Variants in SUGCT observed in about 807,000 individuals in gnomAD.
SUGCT encodes the protein succinyl-CoA:glutarate CoA-transferase.
Under a neutral mutation model 55.0 loss-of-function variants are expected in SUGCT, and 41 were observed. The ratio of observed to expected loss-of-function variants is 0.74; its 90% CI spans 0.58 to 0.97. The LOEUF is 0.97. Among genes scored for constraint, SUGCT ranks in the 50% least tolerant of loss-of-function variants. The pLI is 0.00. For synonymous variants in SUGCT, 187 were observed against 200.4 expected (o/e 0.93, Z 0.56); for missense variants, 568 against 547.8 (o/e 1.04, Z -0.37).
the SUGCT span, among the ~76,000 whole-genome samples, chr7:40,990,341 G>A: frequency 1.3e-5 from 2 of 152,214 alleles, no homozygotes; most frequent in African/African-American, 4.8e-5. Context: ...CCTAATAAAA[G>A]GAATCTTTTT....
chr7:40,483,211 G>A (rs1383146210), intron 11 of SUGCT, among the ~76,000 whole-genome samples: 2 of 152,122 alleles, frequency 1.3e-5, no homozygotes, highest in Admixed American at 6.6e-5. Flanking sequence ...ATCTTACAGA[G>A]CCTTGTTGGT....
chr7:40,493,521 A>G (rs1375986411), intron 11 of SUGCT, among the ~76,000 whole-genome samples: 1 of 152,242 alleles, frequency 6.6e-6, no homozygotes, highest in South Asian at 2.1e-4. Flanking sequence ...TGCTTCACCT[A>G]TCTAAATGAT....
At chr7:40,804,187 T>C (rs1790969787) in intron 13 of SUGCT, among the ~76,000 whole-genome samples, 1 of 152,228 alleles carries the variant, frequency 6.6e-6, no homozygotes, top group Non-Finnish European at 1.5e-5. Flanking sequence ...GGCAACTTTG[T>C]ACATCTTGTG....
intron 3 of SUGCT, among the ~76,000 whole-genome samples, chr7:40,185,243 A>G (rs1406794255): frequency 6.6e-6 from 1 of 152,226 alleles, no homozygotes; most frequent in Non-Finnish European, 1.5e-5. Context: ...TCAACACTGC[A>G]GCACTACAAC....
At chr7:40,895,914 G>T in the SUGCT span, among the ~76,000 whole-genome samples, 1 of 152,166 alleles carries the variant, frequency 6.6e-6, no homozygotes, top group Non-Finnish European at 1.5e-5. Context: ...GCCAAAAGCT[G>T]AAAACTTTTC....
At chr7:41,009,650 C>T in the SUGCT span, among the ~76,000 whole-genome samples, 2 of 152,014 alleles carry the variant, frequency 1.3e-5, no homozygotes, top group African/African-American at 4.8e-5. Flanking sequence ...ATCCACCATC[C>T]ATCCTTCCTT....
intron 13 of SUGCT, among the ~76,000 whole-genome samples, chr7:40,858,377 T>C (rs28583134): frequency 0.22 from 27,153 of 123,250 alleles, 3,498 homozygotes; most frequent in East Asian, 0.71. Flanking sequence ...CACTCCAGCC[T>C]GGGCAACAAG....
At chr7:40,559,631 T>C (rs1795736599) in intron 12 of SUGCT, among the ~76,000 whole-genome samples, 1 of 152,252 alleles carries the variant, frequency 6.6e-6, no homozygotes, top group African/African-American at 2.4e-5. Flanking sequence ...TCTGTAACAT[T>C]TACTCTGACA....
At chr7:40,676,826 A>G (rs577479869) in intron 12 of SUGCT, among the ~76,000 whole-genome samples, 93 of 151,536 alleles carry the variant, frequency 6.1e-4, no homozygotes, top group African/African-American at 2.2e-3. Flanking sequence ...TTTGAAGTTT[A>G]CTATTTTGTT....
the SUGCT span, among the ~76,000 whole-genome samples, chr7:40,933,742 G>T: frequency 1.2e-4 from 19 of 152,270 alleles, no homozygotes; most frequent in Middle Eastern, 3.4e-3. Flanking sequence ...TGAAGCTCGT[G>T]CATGCATCAC....
intron 12 of SUGCT, among the ~76,000 whole-genome samples, chr7:40,560,130 C>T (rs964760157): frequency 6.6e-6 from 1 of 152,184 alleles, no homozygotes; most frequent in South Asian, 2.1e-4. Context: ...CTCCCCACTT[C>T]CTATGCGTGG....
chr7:40,938,948 C>T, the SUGCT span, among the ~76,000 whole-genome samples: 1 of 152,128 alleles, frequency 6.6e-6, no homozygotes, highest in Non-Finnish European at 1.5e-5. Context: ...GGATCCACAT[C>T]TTTGCAATTG....
chr7:40,511,066 T>C (rs931823763), intron 12 of SUGCT, among the ~76,000 whole-genome samples: 1 of 152,208 alleles, frequency 6.6e-6, no homozygotes, highest in Non-Finnish European at 1.5e-5. Flanking sequence ...TGTTGCTGTG[T>C]ACATAGTTTT....
At chr7:40,642,029 A>G (rs540996073) in intron 12 of SUGCT, among the ~76,000 whole-genome samples, 2 of 152,230 alleles carry the variant, frequency 1.3e-5, no homozygotes, top group East Asian at 1.9e-4. Context: ...AAACCCATCA[A>G]TCCTGTTTGA....
At chr7:40,674,582 G>A (rs755244288) in intron 12 of SUGCT, among the ~76,000 whole-genome samples, 5 of 152,020 alleles carry the variant, frequency 3.3e-5, no homozygotes, top group Non-Finnish European at 4.4e-5. Context: ...TTGTGGCCCC[G>A]GCATGTGTGC....
intron 9 of SUGCT, among the ~76,000 whole-genome samples, chr7:40,358,340 G>A (rs1205689632): frequency 6.6e-6 from 1 of 152,208 alleles, no homozygotes; most frequent in Non-Finnish European, 1.5e-5. Flanking sequence ...TAACTAAGAT[G>A]TGAGAGGAGT....
intron 12 of SUGCT, among the ~76,000 whole-genome samples, chr7:40,573,388 G>A (rs952108848): frequency 6.6e-6 from 1 of 152,138 alleles, no homozygotes; most frequent in African/African-American, 2.4e-5. Flanking sequence ...AATGAGCTCT[G>A]CAGACATTTC....
chr7:40,299,316 T>C (rs1794379086), intron 8 of SUGCT, among the ~76,000 whole-genome samples: 1 of 152,212 alleles, frequency 6.6e-6, no homozygotes, highest in Non-Finnish European at 1.5e-5. Flanking sequence ...CTCTCCAGCA[T>C]GTGCTACCAC....
At chr7:40,594,571 A>G (rs1269562815) in intron 12 of SUGCT, among the ~76,000 whole-genome samples, 3 of 152,172 alleles carry the variant, frequency 2.0e-5, no homozygotes, top group Admixed American at 2.0e-4. Context: ...TCTCCTCTAT[A>G]AAATGAGGAG....
Sources: gnomAD v4.1 joint callset for allele counts (sites outside exome capture counted in the v4.1 genomes callset) on GRCh38, gnomAD v4.1.1 for gene constraint, MANE v1.5 for transcripts, NCBI Gene and HGNC (gene_info 2026-07-23, HGNC 2026-07-21) for gene names.